The following ZNF526 variants were observed in gnomAD, a reference collection of about 807,000 sequenced individuals.
ZNF526 encodes zinc finger protein 526.
A neutral mutation model predicts 32.4 loss-of-function variants in ZNF526; 16 were observed. The observed-to-expected ratio is 0.49, with a 90% CI of 0.33 to 0.75. The LOEUF (loss-of-function observed/expected upper bound fraction) is 0.75, where lower values mean the gene tolerates loss of function less well. ZNF526 is among the 30% of genes least tolerant of loss of function. The probability of loss-of-function intolerance (pLI) is 0.02; values close to 1 mark genes in which losing one functional copy is unlikely to be tolerated. For synonymous variants in ZNF526, 355 were observed against 363.4 expected, an observed-to-expected ratio of 0.98 and a Z score of 0.26; for missense variants, 838 against 920.7, an observed-to-expected ratio of 0.91 and a Z score of 1.16.
chr19:42,224,814 G>T lies in ZNF526; in HGVS notation c.411G>T (p.Gln137His). Reference sequence around the variant, plus strand: ...CCCACCTCCGAGAGTCTGCAAACCAGATCCAATACCAGTGCTGGGACTGCC... The same window carrying T: ...CCCACCTCCGAGAGTCTGCAAACCATATCCAATACCAGTGCTGGGACTGCC... ...QDAHLRESAN[Q>H]IQYQCWDCQE... The change falls in exon 3 of 3, where the codon CAG becomes CAT. Residue 137 changes from glutamine (Q) to histidine (H), a missense_variant. Coordinates refer to ENST00000301215, the MANE Select transcript of ZNF526 (RefSeq NM_133444.3). 6.2e-7 allele frequency: 1 copy of T among 1,613,934 alleles called. No homozygotes were observed. Among genetic ancestry groups the T allele is most frequent in the Admixed American group, 1.7e-5 (1 of 60,022 alleles).
Position 42,225,694 on chromosome 19 carries a change from C to CCAA in ZNF526, c.1292_1293insAAC (p.Pro431_Pro432insThr). The CCAA allele has an allele frequency of 1.3e-5, 20 of 1,596,544 alleles. No individual in the cohort carries two copies. Among genetic ancestry groups the CCAA allele is most frequent in the Non-Finnish European group, 1.5e-5 (18 of 1,165,230 alleles). On this transcript the variant is annotated inframe_insertion, in exon 3 of 3. Transcript: ENST00000301215. ...TCCCCCAGCTCCAGCGGAGCCCACC[C>CCAA]CTCCACCACCACCCCCTGCCCCACC...
chr19:42,224,920 G>A lies in ZNF526; in HGVS notation c.517G>A (p.Val173Met), dbSNP rs745448614. ...TTCTGCTACGGTAGCTGAGCCACCA[G>A]TGCCACCTCCTTTGCCTCCCCCAAC... The part of the protein sequence containing the change: ...HLSATVAEPP[V>M]PPPLPPPTPL... The change falls in exon 3 of 3, where the codon GTG (valine) becomes ATG (methionine). Residue 173 changes from valine (V) to methionine (M), a missense_variant. Coordinates refer to ENST00000301215, the MANE Select transcript of ZNF526 (RefSeq NM_133444.3). 1.2e-6 allele frequency: 2 copies of A among 1,614,006 alleles called. No homozygotes were observed. The highest frequency in any genetic ancestry group is 1.7e-6 in the Non-Finnish European group (2 of 1,180,026).
At position 42,226,358 on chromosome 19, in the gene ZNF526, C is replaced by A. The variant is rs1371707244; in HGVS notation, c.1955C>A (p.Ala652Asp). 1 of 1,614,150 alleles carries A rather than the reference C, an allele frequency of 6.2e-7. No individual in the cohort carries two copies. Among genetic ancestry groups the A allele is most frequent in the Non-Finnish European group, 8.5e-7 (1 of 1,180,062 alleles). Reference sequence around the variant, plus strand: ...GAGGACACCCTGCAGCTGTGCCAGGCTGCACTGGGGGCCAGTGAAGCAGGC... The same window carrying A: ...GAGGACACCCTGCAGCTGTGCCAGGATGCACTGGGGGCCAGTGAAGCAGGC... ...ALEDTLQLCQAALGASEAGGL... is the reference protein window; with the variant it reads ...ALEDTLQLCQDALGASEAGGL... The change falls in exon 3 of 3, where the codon GCT becomes GAT. Residue 652 changes from alanine (A) to aspartate (D), a missense_variant. Transcript: ENST00000301215.
rs1028250095 is a variant in ZNF526 at position 42,224,323 on chromosome 19, C to A, written c.-18+18C>A. 91 of 1,218,366 alleles carry A rather than the reference C, an allele frequency of 7.5e-5. No homozygotes were observed. Among genetic ancestry groups the A allele is most frequent in the Admixed American group, 1.0e-4 (6 of 58,010 alleles). The allele number at this position is 1,218,366 out of a possible 1,614,324, so 75.5% of individuals were successfully genotyped here. ...GATAGCTGGTGAGTAGTGGGATGTG[C>A]AAGAGAATTCCACCTCCCCTTGGTT... On this transcript the variant is annotated intron_variant, in intron 2 of 2. Transcript: ENST00000301215.
chr19:42,225,385 G>A lies in ZNF526; in HGVS notation c.982G>A (p.Val328Ile). ...GCTGCAGGCTCATGGGCGGGCCCATGTTGGTGGCACACATGAGTGTACAAC... is the reference window on the plus strand; with the variant it reads ...GCTGCAGGCTCATGGGCGGGCCCATATTGGTGGCACACATGAGTGTACAAC... ...NRLQAHGRAH[V>I]GGTHECTTCS... The change falls in exon 3 of 3, where the codon GTT (valine) becomes ATT (isoleucine). Residue 328 changes from valine to isoleucine, a missense_variant. Coordinates refer to ENST00000301215, the MANE Select transcript of ZNF526 (RefSeq NM_133444.3). The A allele has an allele frequency of 1.9e-6, 3 of 1,613,970 alleles. No homozygotes were observed. The highest frequency in any genetic ancestry group is 1.7e-6 in the Non-Finnish European group (2 of 1,180,030).
rs1041045061 is a variant in ZNF526, at chr19:42,228,120, T to C, written c.*1704T>C. ...CTGAGGCGGAGGCAGGATTGCTTGA[T>C]ATGAGGGAGATTGAGGCTGCAGTGA... On this transcript the variant is annotated 3_prime_UTR_variant, in exon 3 of 3. Coordinates refer to ENST00000301215, the MANE Select transcript of ZNF526 (RefSeq NM_133444.3). 6.6e-6 allele frequency: 1 copy of C among 150,438 alleles called. No homozygotes were observed. The highest frequency in any genetic ancestry group is 1.5e-5 in the Non-Finnish European group (1 of 67,836). The allele number at this position is 150,438 out of a possible 1,614,324, so 9.3% of individuals were successfully genotyped here.
Position 42,227,436 on chromosome 19 carries a change from G to C in ZNF526, c.*1020G>C, listed in dbSNP as rs887116550. The C allele has an allele frequency of 6.0e-6, 1 of 167,134 alleles. No individual in the cohort carries two copies. Among genetic ancestry groups the C allele is most frequent in the Non-Finnish European group, 1.5e-5 (1 of 68,138 alleles). 10.4% of individuals were successfully genotyped at this position (167,134 alleles called of 1,614,324 possible). A position where few individuals can be genotyped will look rare whatever the true frequency, so the allele number is the denominator to read the frequency against. ...ATGATCCCAACAGGCTTGTGACATA[G>C]ATTTCATATTATCCCTGTTGTATAG... On this transcript the variant is annotated 3_prime_UTR_variant, in exon 3 of 3. Coordinates refer to ENST00000301215, the MANE Select transcript of ZNF526 (RefSeq NM_133444.3).
chr19:42,224,712 T>G lies in ZNF526; in HGVS notation c.309T>G (p.Gly103=). 1 of 1,614,058 alleles carries G rather than the reference T, an allele frequency of 6.2e-7. No homozygotes were observed. The highest frequency in any genetic ancestry group is 1.1e-5 in the South Asian group (1 of 91,074). Residue 103 remains glycine (G), a synonymous_variant, in exon 3 of 3, where the codon GGT becomes GGG. Coordinates refer to ENST00000301215, the MANE Select transcript of ZNF526 (RefSeq NM_133444.3). The part of the protein sequence containing the change: ...NVGLEPELVP[G]AEGPFQCGEC... The stretch of plus-strand genomic sequence containing the variant: ...GCCTGGAGCCGGAGCTGGTGCCGGG[T>G]GCTGAGGGGCCCTTCCAGTGTGGTG...
Position 42,227,555 on chromosome 19 carries a change from G to C in ZNF526, c.*1139G>C, listed in dbSNP as rs1394926757. On this transcript the variant is annotated 3_prime_UTR_variant, in exon 3 of 3. Coordinates refer to ENST00000301215, the MANE Select transcript of ZNF526 (RefSeq NM_133444.3). ...GGGCAGATCACGAGGTCAGGAGATC[G>C]AGACCATCCTGGCTAACACGGTGAA... is the stretch of plus-strand genomic sequence containing the variant. The C allele has an allele frequency of 6.1e-6, 1 of 163,180 alleles. No homozygotes were observed. 10.1% of individuals were successfully genotyped at this position (163,180 alleles called of 1,614,324 possible).
Position 42,225,706 on chromosome 19 carries a change from C to G in ZNF526, c.1303C>G (p.Pro435Ala). 6.2e-7 allele frequency: 1 copy of G among 1,610,526 alleles called. No individual in the cohort carries two copies. The highest frequency in any genetic ancestry group is 8.5e-7 in the Non-Finnish European group (1 of 1,178,188). The change falls in exon 3 of 3, where the codon CCC (proline) becomes GCC (alanine). Residue 435 changes from proline (P) to alanine (A), a missense_variant. Coordinates refer to ENST00000301215, the MANE Select transcript of ZNF526 (RefSeq NM_133444.3). ...AGCGGAGCCCACCCCTCCACCACCA[C>G]CCCCTGCCCCACCTGCCCAGCTGCC... ...APAEPTPPPP[P>A]PAPPAQLPCP...
Position 42,225,114 on chromosome 19 carries a change from C to T in ZNF526, c.711C>T (p.Asp237=), listed in dbSNP as rs1160618217. ...ERNGLEEEEE[D]DEEDEEDDEE... ...ATGGGTTGGAGGAGGAGGAAGAGGA[C>T]GATGAGGAGGATGAAGAAGATGATG... Residue 237 remains aspartate, a synonymous_variant, in exon 3 of 3, where the codon GAC becomes GAT. Transcript: ENST00000301215. 8.1e-6 allele frequency: 13 copies of T among 1,613,858 alleles called. No homozygotes were observed. The African/African-American group carries it at 9.4e-5, about 12-fold the overall frequency.
In ZNF526 at chr19:42,225,372, T is replaced by C; in HGVS notation, c.969T>C (p.His323=). The change falls in exon 3 of 3, where the codon CAT becomes CAC. Residue 323 remains histidine (H), a synonymous_variant. Transcript: ENST00000301215. The part of the protein sequence containing the change: ...SFSSANRLQA[H]GRAHVGGTHE... ...GCTCCGCCAACCGGCTGCAGGCTCA[T>C]GGGCGGGCCCATGTTGGTGGCACAC... 1 of 1,613,994 alleles carries C rather than the reference T, an allele frequency of 6.2e-7. No individual in the cohort carries two copies. The highest frequency in any genetic ancestry group is 8.5e-7 in the Non-Finnish European group (1 of 1,180,014).
At chr19:42,221,869 G>A (rs1386321383) in intron 1 of ZNF526, among the ~76,000 whole-genome samples, 4 of 151,572 alleles carry the variant, frequency 2.6e-5, no homozygotes, top group African/African-American at 4.8e-5. Flanking sequence ...CCCAAGGGAG[G>A]CTCACTGCAG....
Position 42,225,679 on chromosome 19 carries a change from C to T in ZNF526, c.1276C>T (p.Pro426Ser), listed in dbSNP as rs759256973. 34 of 1,612,512 alleles carry T rather than the reference C, an allele frequency of 2.1e-5. No individual in the cohort carries two copies. The highest frequency in any genetic ancestry group is 1.7e-4 in the Middle Eastern group (1 of 6,058). Residue 426 changes from proline (P) to serine (S), a missense_variant, in exon 3 of 3, where the codon CCA becomes TCA. Pro to Ser is a moderately conservative substitution (Grantham distance 74). Transcript: ENST00000301215. ...PPTGATAPPA[P>S]AEPTPPPPPP... Reference sequence around the variant, plus strand: ...CACAGGAGCAACAGCTCCCCCAGCTCCAGCGGAGCCCACCCCTCCACCACC... The same window carrying T: ...CACAGGAGCAACAGCTCCCCCAGCTTCAGCGGAGCCCACCCCTCCACCACC...
chr19:42,225,584 A>G lies in ZNF526; in HGVS notation c.1181A>G (p.Lys394Arg). The change falls in exon 3 of 3, where the codon AAG (lysine) becomes AGG (arginine). Residue 394 changes from lysine (K) to arginine (R), a missense_variant. Coordinates refer to ENST00000301215, the MANE Select transcript of ZNF526 (RefSeq NM_133444.3). ...CCATTGCATCGCTGTCGTTGCGGCA[A>G]GACGTTCAGCAACATGACCAAGTTC... ...ANPLHRCRCG[K>R]TFSNMTKFLY... 1 of 1,608,544 alleles carries G rather than the reference A, an allele frequency of 6.2e-7. No homozygotes were observed. Among genetic ancestry groups the G allele is most frequent in the Non-Finnish European group, 8.5e-7 (1 of 1,175,758 alleles).
intron 1 of ZNF526, among the ~76,000 whole-genome samples, chr19:42,222,779 A>G (rs529069824): frequency 6.6e-6 from 1 of 152,234 alleles, no homozygotes; most frequent in South Asian, 2.1e-4. Flanking sequence ...AGGATACCAT[A>G]GGAACCCTGA....
rs767071091 is a variant in ZNF526, at chr19:42,226,192, C to T, written c.1789C>T (p.Arg597Ter). ...GLRLHQRVHA[R>*]ARTLTLQPPR... Reference sequence around the variant, plus strand: ...GCGACTGCATCAGCGGGTCCATGCCCGAGCTCGGACTTTGACGCTACAGCC... The same window carrying T: ...GCGACTGCATCAGCGGGTCCATGCCTGAGCTCGGACTTTGACGCTACAGCC... The change falls in exon 3 of 3, where the codon CGA becomes TGA. Residue 597 changes from arginine to a stop codon, truncating the protein, a stop_gained. Transcript: ENST00000301215. LOFTEE classifies it high-confidence loss of function. 5 of 1,609,628 alleles carry T rather than the reference C, an allele frequency of 3.1e-6. No individual in the cohort carries two copies. The highest frequency in any genetic ancestry group is 4.2e-6 in the Non-Finnish European group (5 of 1,180,020).
Position 42,224,598 on chromosome 19 carries a change from C to G in ZNF526, c.195C>G (p.Leu65=). The stretch of plus-strand genomic sequence containing the variant: ...TCATGTGCTCTGAGTGTGGCAGCCT[C>G]TATAACACACTGGAGGAAGTCCTCT... ...HQFMCSECGS[L]YNTLEEVLSH... The change falls in exon 3 of 3, where the codon CTC becomes CTG. Residue 65 remains leucine, a synonymous_variant. Coordinates refer to ENST00000301215, the MANE Select transcript of ZNF526 (RefSeq NM_133444.3). 1 of 1,614,236 alleles carries G rather than the reference C, an allele frequency of 6.2e-7. No individual in the cohort carries two copies. The highest frequency in any genetic ancestry group is 8.5e-7 in the Non-Finnish European group (1 of 1,180,034).
chr19:42,224,587 T>A lies in ZNF526; in HGVS notation c.184T>A (p.Cys62Ser). ...GCATCACCAGTTCATGTGCTCTGAGTGTGGCAGCCTCTATAACACACTGGA... is the reference window on the plus strand; with the variant it reads ...GCATCACCAGTTCATGTGCTCTGAGAGTGGCAGCCTCTATAACACACTGGA... ...FQHHQFMCSE[C>S]GSLYNTLEEV... Residue 62 changes from cysteine to serine, a missense_variant, in exon 3 of 3, where the codon TGT becomes AGT. Coordinates refer to ENST00000301215, the MANE Select transcript of ZNF526 (RefSeq NM_133444.3). 1 of 1,614,190 alleles carries A rather than the reference T, an allele frequency of 6.2e-7. No homozygotes were observed. Among genetic ancestry groups the A allele is most frequent in the Non-Finnish European group, 8.5e-7 (1 of 1,180,032 alleles).
Sources: allele counts gnomAD v4.1 joint callset (sites outside exome capture counted in the v4.1 genomes callset), GRCh38; gene constraint gnomAD v4.1.1; transcripts MANE v1.5; gene names NCBI Gene and HGNC (gene_info 2026-07-23, HGNC 2026-07-21).